The following CDH10 variants were observed in gnomAD, a reference collection of about 807,000 sequenced individuals.
CDH10 encodes cadherin 10.
CDH10 carries 30 observed loss-of-function variants against 73.1 expected under a neutral mutation model. The ratio of observed to expected loss-of-function variants is 0.41; its 90% CI spans 0.31 to 0.56. CDH10 has a LOEUF of 0.56. Ranked by LOEUF, CDH10 falls within the 20% of genes least tolerant of loss-of-function variation. The probability of loss-of-function intolerance (pLI) is 0.27; values close to 1 mark genes in which losing one functional copy is unlikely to be tolerated. For missense variants in CDH10, 815 were observed against 973.7 expected, an observed-to-expected ratio of 0.84 and a Z score of 2.17; for synonymous variants, 345 against 348.2, an observed-to-expected ratio of 0.99 and a Z score of 0.10.
chr5:24,509,262 A>C (rs1742808371), intron 7 of CDH10, among the ~76,000 whole-genome samples: 1 of 67,084 alleles, frequency 1.5e-5, no homozygotes, highest in African/African-American at 6.6e-5. Context: ...TTTTTTTGAG[A>C]CAGATTCATC....
intron 1 of CDH10, among the ~76,000 whole-genome samples, chr5:24,636,047 A>G (rs1747856755): frequency 6.6e-6 from 1 of 150,376 alleles, no homozygotes; most frequent in African/African-American, 2.5e-5. Context: ...GTAAAAATAC[A>G]ACACACTCAA....
chr5:24,566,944 G>A (rs1371278065), intron 2 of CDH10, among the ~76,000 whole-genome samples: 1 of 151,988 alleles, frequency 6.6e-6, no homozygotes, highest in Non-Finnish European at 1.5e-5. Context: ...TACATATTTG[G>A]TAAATATCTT....
intron 1 of CDH10, among the ~76,000 whole-genome samples, chr5:24,606,435 A>C (rs1003175127): frequency 6.6e-6 from 1 of 152,076 alleles, no homozygotes; most frequent in South Asian, 2.1e-4. Flanking sequence ...ACAGGGTGAA[A>C]GCTTGTCTCT....
At chr5:24,599,296 T>C (rs547874007) in intron 1 of CDH10, among the ~76,000 whole-genome samples, 33 of 152,252 alleles carry the variant, frequency 2.2e-4, no homozygotes, top group African/African-American at 7.7e-4. Context: ...ATCCAGGACT[T>C]GAACTGCTTC....
chr5:24,615,613 C>G (rs1390274365), intron 1 of CDH10, among the ~76,000 whole-genome samples: 3 of 152,230 alleles, frequency 2.0e-5, no homozygotes, highest in African/African-American at 7.2e-5. Context: ...TAAACTCCTA[C>G]ATCTTTCATG....
chr5:24,525,249 T>A (rs1196390607), intron 5 of CDH10, among the ~76,000 whole-genome samples: 1 of 152,046 alleles, frequency 6.6e-6, no homozygotes, highest in Non-Finnish European at 1.5e-5. Context: ...AGAGATATAA[T>A]GTATCCTAAT....
rs2112093449 is a variant in CDH10 at position 24,593,391 on chromosome 5, G to A, written c.100C>T (p.Gln34Ter). 6.2e-7 allele frequency: 1 copy of A among 1,612,278 alleles called. No homozygotes were observed. ...IMFRRTPVPQ[Q>*]RILSSRVPRS... Reference sequence around the variant, plus strand: ...GGTACACGTGAACTTAAAATTCTTTGCTGTGGCACAGGCGTCCTTCTGAAC... The same window carrying A: ...GGTACACGTGAACTTAAAATTCTTTACTGTGGCACAGGCGTCCTTCTGAAC... The change falls in exon 2 of 12, where the codon CAA becomes TAA. Residue 34 changes from glutamine (Q) to a stop codon, truncating the protein, a stop_gained. Coordinates refer to ENST00000264463, the MANE Select transcript of CDH10 (RefSeq NM_006727.5). LOFTEE classifies it high-confidence loss of function.
intron 7 of CDH10, among the ~76,000 whole-genome samples, chr5:24,508,224 T>C (rs1742769849): frequency 6.6e-6 from 1 of 152,312 alleles, no homozygotes; most frequent in South Asian, 2.1e-4. Flanking sequence ...TTATAGTAAG[T>C]GTTCATTTTC....
chr5:24,572,517 A>G (rs1745423181), intron 2 of CDH10, among the ~76,000 whole-genome samples: 2 of 152,104 alleles, frequency 1.3e-5, no homozygotes, highest in Non-Finnish European at 2.9e-5. Flanking sequence ...TTGACAAAAC[A>G]ATTAATATTA....
chr5:24,614,964 C>T (rs948766674), intron 1 of CDH10, among the ~76,000 whole-genome samples: 2 of 152,130 alleles, frequency 1.3e-5, no homozygotes, highest in Admixed American at 1.3e-4. Flanking sequence ...TCTTCAGCTG[C>T]AGGAGTCAAG....
At chr5:24,595,005 T>G (rs1301144767) in intron 1 of CDH10, among the ~76,000 whole-genome samples, 1 of 151,970 alleles carries the variant, frequency 6.6e-6, no homozygotes, top group African/African-American at 2.4e-5. Context: ...CTGCTATATG[T>G]TTTTGTGCCC....
chr5:24,641,608 T>C (rs1404749785), intron 1 of CDH10, among the ~76,000 whole-genome samples: 1 of 152,118 alleles, frequency 6.6e-6, no homozygotes, highest in Non-Finnish European at 1.5e-5. Context: ...GTTTTTCAAA[T>C]ATGCATCTAT....
chr5:24,512,930 G>T (rs566070712), intron 5 of CDH10, among the ~76,000 whole-genome samples: 2 of 151,818 alleles, frequency 1.3e-5, no homozygotes, highest in African/African-American at 4.8e-5. Context: ...GACCAAACTG[G>T]GCTTTTCAAA....
intron 2 of CDH10, among the ~76,000 whole-genome samples, chr5:24,550,300 T>C (rs953416663): frequency 6.6e-6 from 1 of 152,112 alleles, no homozygotes; most frequent in Non-Finnish European, 1.5e-5. Context: ...AGTTACCATC[T>C]TTCATGTCTT....
intron 2 of CDH10, among the ~76,000 whole-genome samples, chr5:24,566,613 T>C (rs1401644714): frequency 6.6e-6 from 1 of 152,134 alleles, no homozygotes; most frequent in East Asian, 1.9e-4. Flanking sequence ...GACAGGAAAG[T>C]TGTTTTCACA....
At chr5:24,639,510 T>A (rs1380455172) in intron 1 of CDH10, among the ~76,000 whole-genome samples, 1 of 151,694 alleles carries the variant, frequency 6.6e-6, no homozygotes, top group Non-Finnish European at 1.5e-5. Context: ...TAACTCAAGG[T>A]AGAATATTTA....
At chr5:24,635,223 T>C (rs1180994258) in intron 1 of CDH10, among the ~76,000 whole-genome samples, 1 of 151,944 alleles carries the variant, frequency 6.6e-6, no homozygotes, top group African/African-American at 2.4e-5. Context: ...TCTTGAGATT[T>C]ATAGGTATCA....
intron 1 of CDH10, among the ~76,000 whole-genome samples, chr5:24,596,011 G>T (rs1746358036): frequency 6.6e-6 from 1 of 151,796 alleles, no homozygotes; most frequent in Non-Finnish European, 1.5e-5. Context: ...ATTTAATACT[G>T]ATGCAAGATA....
intron 1 of CDH10, among the ~76,000 whole-genome samples, chr5:24,601,459 T>G (rs1273159141): frequency 1.3e-5 from 2 of 152,152 alleles, no homozygotes; most frequent in African/African-American, 4.8e-5. Flanking sequence ...AATGTCCTTA[T>G]CTAGGAGACA....
Sources: gnomAD v4.1 joint callset for allele counts (sites outside exome capture counted in the v4.1 genomes callset) on GRCh38, gnomAD v4.1.1 for gene constraint, MANE v1.5 for transcripts, NCBI Gene and HGNC (gene_info 2026-07-23, HGNC 2026-07-21) for gene names.